CASP9: variants seen among roughly 807,000 people sequenced by gnomAD.
The protein encoded by CASP9 is caspase-9.
CASP9 carries 29 observed loss-of-function variants against 43.5 expected under a neutral mutation model. The observed-to-expected ratio is 0.67, with a 90% CI of 0.50 to 0.91. The LOEUF (loss-of-function observed/expected upper bound fraction) is 0.91, where lower values mean the gene tolerates loss of function less well. Among genes scored for constraint, CASP9 ranks in the 40% least tolerant of loss-of-function variants. CASP9 has a pLI of 0.00. For synonymous variants in CASP9, 206 were observed against 211.9 expected (o/e 0.97, Z 0.24); for missense variants, 575 against 537.4 (o/e 1.07, Z -0.69).
chr1:15,504,902 G>C, intron 5 of CASP9, 144 bp from the exon 6 acceptor site: 5 of 726,762 alleles, frequency 6.9e-6, no homozygotes, highest in Non-Finnish European at 1.1e-5. Flanking sequence ...GGTTGGTTCT[G>C]GAAAGACCCT....
chr1:15,494,434 G>A (rs571223245), intron 7 of CASP9, among the ~76,000 whole-genome samples: 1 of 151,986 alleles, frequency 6.6e-6, no homozygotes, highest in Non-Finnish European at 1.5e-5. Context: ...GTGTGGTGAT[G>A]CATGCCTGTA....
intron 1 of CASP9, among the ~76,000 whole-genome samples, chr1:15,522,512 C>T (rs1710242990): frequency 6.6e-6 from 1 of 151,814 alleles, no homozygotes; most frequent in Non-Finnish European, 1.5e-5. Context: ...GTTTGAGACT[C>T]ATCTAGGCAA....
chr1:15,512,783 C>T (rs1709807467), intron 2 of CASP9, among the ~76,000 whole-genome samples: 1 of 152,118 alleles, frequency 6.6e-6, no homozygotes, highest in Non-Finnish European at 1.5e-5. Context: ...AACTACTTGT[C>T]CACTGTGACA....
chr1:15,513,461 A>C (rs1247904316), intron 2 of CASP9, among the ~76,000 whole-genome samples: 2 of 152,172 alleles, frequency 1.3e-5, no homozygotes, highest in Non-Finnish European at 2.9e-5. Context: ...AGTTCCTTCC[A>C]TTCTGAAGGA....
chr1:15,500,578 C>T (rs771778480), intron 6 of CASP9, among the ~76,000 whole-genome samples: 18 of 152,226 alleles, frequency 1.2e-4, no homozygotes, highest in Admixed American at 6.5e-4. Context: ...CCCACTGCTT[C>T]TCACGGAGGC....
intron 6 of CASP9, 115 bp from the exon 7 acceptor site, chr1:15,495,567 T>A: frequency 1.0e-6 from 1 of 973,808 alleles, no homozygotes; most frequent in Non-Finnish European, 1.4e-6. Flanking sequence ...AAAATAAATC[T>A]TGGGACCCCA....
chr1:15,507,021 T>C lies in CASP9; in HGVS notation c.508A>G (p.Asn170Asp). Reference protein sequence around the residue: ...CGHCLIINNVNFCRESGLRTR... With the variant: ...CGHCLIINNVDFCRESGLRTR... ...CGGAGCCCGGACTCACGGCAGAAGT[T>C]CACATTGTTGATAATGAGGCAGTGG... The change falls in exon 4 of 9, where the codon AAC (asparagine) becomes GAC (aspartate). Residue 170 changes from asparagine to aspartate, a missense_variant. Transcript: ENST00000333868. 1 of 1,614,140 alleles carries C rather than the reference T, an allele frequency of 6.2e-7. No individual in the cohort carries two copies. Among genetic ancestry groups the C allele is most frequent in the Non-Finnish European group, 8.5e-7 (1 of 1,180,012 alleles).
At chr1:15,524,455 C>A, upstream of CASP9, 1 of 1,087,822 alleles carries the variant, frequency 9.2e-7, no homozygotes, top group Non-Finnish European at 1.2e-6. Flanking sequence ...AGCCTCCCAT[C>A]ACCGCGCCGC....
chr1:15,502,722 G>A (rs551694983), intron 6 of CASP9, among the ~76,000 whole-genome samples: 80 of 152,312 alleles, frequency 5.3e-4, no homozygotes, highest in African/African-American at 1.9e-3. Context: ...CATGGGAGGA[G>A]CACAAGACTG....
chr1:15,496,787 G>A (rs1252510077), intron 6 of CASP9, among the ~76,000 whole-genome samples: 1 of 152,184 alleles, frequency 6.6e-6, no homozygotes, highest in Non-Finnish European at 1.5e-5. Flanking sequence ...TCAACACTTT[G>A]GGAGGCTGAG....
chr1:15,503,307 C>T (rs1013772816), intron 6 of CASP9, among the ~76,000 whole-genome samples: 5 of 152,096 alleles, frequency 3.3e-5, no homozygotes, highest in Non-Finnish European at 5.9e-5. Flanking sequence ...GGGAGGATCA[C>T]CTGAGCTTGG....
chr1:15,496,640 G>T (rs1408072430), intron 6 of CASP9, among the ~76,000 whole-genome samples: 1 of 152,090 alleles, frequency 6.6e-6, no homozygotes, highest in Non-Finnish European at 1.5e-5. Flanking sequence ...TTACAAAAAT[G>T]GTTCCATTGA....
At chr1:15,504,066 T>A (rs1388742916) in intron 6 of CASP9, among the ~76,000 whole-genome samples, 1 of 152,206 alleles carries the variant, frequency 6.6e-6, no homozygotes, top group Non-Finnish European at 1.5e-5. Flanking sequence ...CAGGCTGGTC[T>A]CGAACTCCTG....
rs1393210554 is a variant in CASP9, at chr1:15,504,689, C to T, written c.790G>A (p.Val264Met). The T allele has an allele frequency of 1.2e-6, 2 of 1,614,016 alleles. No homozygotes were observed. The highest frequency in any genetic ancestry group is 1.7e-6 in the Non-Finnish European group (2 of 1,179,962). Residue 264 changes from valine (V) to methionine (M), a missense_variant, in exon 6 of 9, where the codon GTG (valine) becomes ATG (methionine). Physicochemically the swap from Val to Met is conservative, Grantham distance 21 (BLOSUM62 1). Transcript: ENST00000333868. ...DGCPVSVEKIVNIFNGTSCPS... is the reference protein window; with the variant it reads ...DGCPVSVEKIMNIFNGTSCPS... ...CAGCTGGTCCCATTGAAGATGTTCACAATCTTCTCGACCGACACAGGGCAT... is the reference window on the plus strand; with the variant it reads ...CAGCTGGTCCCATTGAAGATGTTCATAATCTTCTCGACCGACACAGGGCAT...
intron 3 of CASP9, 144 bp downstream of exon 3, chr1:15,507,729 C>G: frequency 1.4e-6 from 1 of 726,530 alleles, no homozygotes; most frequent in Non-Finnish European, 2.4e-6. Context: ...GGGCCGGAGT[C>G]AGGGAGGCTG....
At chr1:15,495,503 G>C in intron 6 of CASP9, 51 bp from the exon 7 acceptor site, 2 of 1,449,302 alleles carry the variant, frequency 1.4e-6, no homozygotes, top group Non-Finnish European at 1.8e-6. Context: ...CACAGACAAG[G>C]ATGGTTCAAC....
chr1:15,523,118 G>A (rs1710275622), intron 1 of CASP9, among the ~76,000 whole-genome samples: 1 of 152,182 alleles, frequency 6.6e-6, no homozygotes. Flanking sequence ...ATGGGAAAGT[G>A]CTTTTAAACA....
In CASP9 at chr1:15,506,048, T is replaced by C. The variant is rs1052576; in HGVS notation, c.662A>G (p.Gln221Arg). 866,223 of 1,612,996 alleles carry C rather than the reference T, an allele frequency of 0.54. 236,358 individuals carry two copies. The highest frequency in any genetic ancestry group is 0.7 in the African/African-American group (52,819 of 74,936). Residue 221 changes from glutamine to arginine, a missense_variant, in exon 5 of 9, where the codon CAG becomes CGG. Transcript: ENST00000333868. Reference sequence around the variant, plus strand: ...GCAGTCCAGAGCACCGTGGTCCTGCTGCGCCAGCTCCAGCAAAGCCAGCAC... The same window carrying C: ...GCAGTCCAGAGCACCGTGGTCCTGCCGCGCCAGCTCCAGCAAAGCCAGCAC... ...KMVLALLELA[Q>R]QDHGALDCCV...
At chr1:15,512,949 A>G (rs1709814459) in intron 2 of CASP9, among the ~76,000 whole-genome samples, 1 of 152,084 alleles carries the variant, frequency 6.6e-6, no homozygotes, top group South Asian at 2.1e-4. Context: ...CGAGGTCAGG[A>G]GATCAAGACC....
Sources: allele counts gnomAD v4.1 joint callset (sites outside exome capture counted in the v4.1 genomes callset), GRCh38; gene constraint gnomAD v4.1.1; transcripts MANE v1.5; gene names NCBI Gene and HGNC (gene_info 2026-07-23, HGNC 2026-07-21).